The following NCOA2 variants were observed in gnomAD, a reference collection of about 807,000 sequenced individuals.
NCOA2 encodes class E basic helix-loop-helix protein 75.
In NCOA2, 21 loss-of-function variants were observed where a neutral mutation model predicts 145.1. The ratio of observed to expected loss-of-function variants is 0.14; its 90% CI spans 0.10 to 0.21. NCOA2 has a LOEUF of 0.21. Ranked by LOEUF, NCOA2 falls within the 10% of genes least tolerant of loss-of-function variation. The pLI is 1.00. For missense variants in NCOA2, 1,472 were observed against 1,837.6 expected (o/e 0.80, Z 3.64); for synonymous variants, 619 against 637.5 (o/e 0.97, Z 0.44).
intron 1 of NCOA2, among the ~76,000 whole-genome samples, chr8:70,370,710 C>CAA (rs201426645): frequency 7.0e-6 from 1 of 142,210 alleles, no homozygotes; most frequent in African/African-American, 2.6e-5. Flanking sequence ...TTCCTTATTT[C>CAA]AAAAAAAAAA....
At chr8:70,207,862 C>CAAAAAAAAAAAAAAAAA (rs754670876) in intron 4 of NCOA2, among the ~76,000 whole-genome samples, 3 of 36,188 alleles carry the variant, frequency 8.3e-5, no homozygotes, top group African/African-American at 3.2e-4. Context: ...GACTCCACCT[C>CAAAAAAAAAAAAAAAAA]AAAAAAAAAA....
chr8:70,233,872 A>G (rs1455555939), intron 2 of NCOA2, among the ~76,000 whole-genome samples: 1 of 152,166 alleles, frequency 6.6e-6, no homozygotes, highest in African/African-American at 2.4e-5. Context: ...TACTGAGGTC[A>G]CATGTCGTAA....
At chr8:70,199,451 C>CAAAA (rs1181856736) in intron 4 of NCOA2, among the ~76,000 whole-genome samples, 2 of 76,092 alleles carry the variant, frequency 2.6e-5, no homozygotes, top group Non-Finnish European at 5.1e-5. Flanking sequence ...GACTCCATCT[C>CAAAA]AAAAAAAAAA....
chr8:70,198,136 T>C (rs142481913), intron 4 of NCOA2, among the ~76,000 whole-genome samples: 53 of 152,262 alleles, frequency 3.5e-4, no homozygotes, highest in African/African-American at 1.3e-3. Flanking sequence ...ATTAAGTATC[T>C]CTTATGTACA....
chr8:70,145,468 CTG>C (rs1247972254), intron 12 of NCOA2, among the ~76,000 whole-genome samples: 1 of 151,780 alleles, frequency 6.6e-6, no homozygotes, highest in Non-Finnish European at 1.5e-5. Context: ...GGGACTACAG[CTG>C]TGCCACCATG....
At chr8:70,231,726 G>A (rs781250344) in intron 2 of NCOA2, among the ~76,000 whole-genome samples, 3 of 152,158 alleles carry the variant, frequency 2.0e-5, no homozygotes, top group Admixed American at 6.5e-5. Flanking sequence ...CTCATTACAC[G>A]TGTAGTGGGG....
intron 2 of NCOA2, among the ~76,000 whole-genome samples, chr8:70,233,710 A>G (rs962583817): frequency 5.9e-5 from 9 of 152,154 alleles, no homozygotes; most frequent in Non-Finnish European, 1.0e-4. Context: ...TGTGGCTTTC[A>G]TGACACAACA....
In NCOA2 at chr8:70,112,207, G is replaced by A. The variant is rs1023066896; in HGVS notation, c.*1425C>T. ...AGGTTTAGAAAATAAAAAGTCTTAA[G>A]TCTACAAATTAGGTCTAATCAAGGC... On this transcript the variant is annotated 3_prime_UTR_variant, in exon 23 of 23. Transcript: ENST00000452400. The A allele has an allele frequency of 2.0e-5, 4 of 202,892 alleles. No individual in the cohort carries two copies. Among genetic ancestry groups the A allele is most frequent in the African/African-American group, 4.6e-5 (2 of 43,580 alleles). The allele number at this position is 202,892 out of a possible 1,614,324, so 12.6% of individuals were successfully genotyped here. A position where few individuals can be genotyped will look rare whatever the true frequency, so the allele number is the denominator to read the frequency against.
At chr8:70,230,723 G>A (rs77931642) in intron 2 of NCOA2, among the ~76,000 whole-genome samples, 2 of 151,956 alleles carry the variant, frequency 1.3e-5, no homozygotes, top group Non-Finnish European at 1.5e-5. Flanking sequence ...CATGCTCCTA[G>A]TATACAATTT....
At chr8:70,228,526 T>C (rs1490083286) in intron 2 of NCOA2, among the ~76,000 whole-genome samples, 1 of 152,146 alleles carries the variant, frequency 6.6e-6, no homozygotes, top group Non-Finnish European at 1.5e-5. Context: ...TAGCTTCTAG[T>C]TATCCCTTGA....
chr8:70,121,345 AGCT>A lies in NCOA2; in HGVS notation c.4337_4339del (p.Gln1446del). On this transcript the variant is annotated inframe_deletion, in exon 22 of 23. Transcript: ENST00000452400. ...CTGCTTAATCATATCCATTCCAGGC[AGCT>A]GGTTTGGGAACAGGTTGCCTCCCCT... is the stretch of plus-strand genomic sequence containing the variant. 6.2e-7 allele frequency: 1 copy of A among 1,613,192 alleles called. No individual in the cohort carries two copies. Among genetic ancestry groups the A allele is most frequent in the South Asian group, 1.1e-5 (1 of 90,772 alleles).
rs543248795 is a variant in NCOA2 at position 70,142,455 on chromosome 8, T to C, written c.2813-1056A>G. ...GGCTCATGTCTGTAATCCCAGCACT[T>C]AGGGAGGCTGCGGTGGGCAGATTGC... On this transcript the variant is annotated intron_variant, in intron 13 of 22. Coordinates refer to ENST00000452400, the MANE Select transcript of NCOA2 (RefSeq NM_006540.4). Among the ~76,000 whole-genome samples the C allele has an allele frequency of 7.5e-4, 114 of 152,264 alleles. 1 individual carries two copies. The highest frequency in any genetic ancestry group is 2.1e-3 in the South Asian group (10 of 4,824).
intron 2 of NCOA2, among the ~76,000 whole-genome samples, chr8:70,218,199 G>GTTT (rs34322124): frequency 0.049 from 6,488 of 133,752 alleles, 335 homozygotes; most frequent in African/African-American, 0.12. Context: ...AGTGGAGTTA[G>GTTT]TTTTTTTTTT....
chr8:70,207,073 T>C (rs1258025905), intron 4 of NCOA2, among the ~76,000 whole-genome samples: 1 of 152,214 alleles, frequency 6.6e-6, no homozygotes, highest in East Asian at 1.9e-4. Flanking sequence ...ACTTACTGAT[T>C]GCTGGATTTC....
chr8:70,188,945 TAA>T (rs1816370669), intron 4 of NCOA2, among the ~76,000 whole-genome samples: 1 of 151,558 alleles, frequency 6.6e-6, no homozygotes, highest in Admixed American at 6.6e-5. Context: ...TTATCAATGA[TAA>T]AACTGATTTA....
At chr8:70,393,279 T>C (rs1813361955) in intron 1 of NCOA2, among the ~76,000 whole-genome samples, 1 of 152,192 alleles carries the variant, frequency 6.6e-6, no homozygotes. Context: ...CTTTGGGGCT[T>C]AGTGGTGCTT....
intron 4 of NCOA2, among the ~76,000 whole-genome samples, chr8:70,202,070 C>A (rs1817953444): frequency 6.6e-6 from 1 of 152,142 alleles, no homozygotes; most frequent in Admixed American, 6.5e-5. Context: ...TTCAAAATAT[C>A]TCCTTGGAAA....
the NCOA2 span, among the ~76,000 whole-genome samples, chr8:70,413,061 G>A: frequency 6.8e-6 from 1 of 147,856 alleles, no homozygotes; most frequent in African/African-American, 2.5e-5. Flanking sequence ...TGGTGCCACT[G>A]TGCTCCAGCC....
the NCOA2 span, among the ~76,000 whole-genome samples, chr8:70,435,232 T>C: frequency 1.3e-5 from 2 of 151,090 alleles, no homozygotes; most frequent in African/African-American, 2.4e-5. Flanking sequence ...GAGACCATCC[T>C]GGCTAACACG....
Sources: gnomAD v4.1 joint callset for allele counts (sites outside exome capture counted in the v4.1 genomes callset) on GRCh38, gnomAD v4.1.1 for gene constraint, MANE v1.5 for transcripts, NCBI Gene and HGNC (gene_info 2026-07-23, HGNC 2026-07-21) for gene names.